Variants in CSGALNACT2 observed in about 807,000 individuals in gnomAD.
CSGALNACT2 encodes the protein chondroitin sulfate N-acetylgalactosaminyltransferase 2.
CSGALNACT2 carries 35 observed loss-of-function variants against 55.3 expected under a neutral mutation model. The observed-to-expected ratio is 0.63, with a 90% CI of 0.48 to 0.84. The LOEUF is 0.84. Ranked by LOEUF, CSGALNACT2 falls within the 40% of genes least tolerant of loss-of-function variation. The pLI is 0.00. For missense variants in CSGALNACT2, 544 were observed against 657.5 expected, an observed-to-expected ratio of 0.83 and a Z score of 1.89; for synonymous variants, 196 against 224.9, an observed-to-expected ratio of 0.87 and a Z score of 1.15.
intron 2 of CSGALNACT2, among the ~76,000 whole-genome samples, chr10:43,158,177 C>T (rs191108237): frequency 9.2e-6 from 1 of 109,040 alleles, no homozygotes; most frequent in East Asian, 2.1e-4. Context: ...TGTATACACA[C>T]ATATATATAT....
intron 3 of CSGALNACT2, among the ~76,000 whole-genome samples, chr10:43,159,847 G>A (rs1250461586): frequency 1.3e-5 from 2 of 152,114 alleles, no homozygotes; most frequent in South Asian, 2.1e-4. Context: ...TAGATACTTT[G>A]ATATACTGGT....
Position 43,183,623 on chromosome 10 carries a change from C to A in CSGALNACT2, c.*81C>A. The A allele has an allele frequency of 2.7e-6, 3 of 1,110,962 alleles. No homozygotes were observed. The highest frequency in any genetic ancestry group is 4.8e-5 in the East Asian group (2 of 41,566). 68.8% of individuals were successfully genotyped at this position (1,110,962 alleles called of 1,614,324 possible). On this transcript the variant is annotated 3_prime_UTR_variant, in exon 8 of 8. Transcript: ENST00000374466. Reference sequence around the variant, plus strand: ...TTACTTCTACTTCCAGATGCAGTGCCTCTTTTGGAGAAGACATGTTTATTT... The same window carrying A: ...TTACTTCTACTTCCAGATGCAGTGCATCTTTTGGAGAAGACATGTTTATTT...
At chr10:43,182,607 G>T (rs188625265) in intron 7 of CSGALNACT2, among the ~76,000 whole-genome samples, 3 of 151,876 alleles carry the variant, frequency 2.0e-5, no homozygotes, top group South Asian at 2.1e-4. Context: ...GTGGCTGGTC[G>T]CAGTGGCTAA....
chr10:43,144,969 A>G (rs1171724449), intron 1 of CSGALNACT2, among the ~76,000 whole-genome samples: 1 of 152,170 alleles, frequency 6.6e-6, no homozygotes, highest in African/African-American at 2.4e-5. Context: ...ATGGTGAAGC[A>G]TGTGTCAGAG....
chr10:43,153,347 A>T lies in CSGALNACT2; in HGVS notation c.-253-1550A>T, dbSNP rs61843250. 7.3e-5 allele frequency among the ~76,000 whole-genome samples: 11 copies of T among 150,912 alleles called. No homozygotes were observed. In the East Asian group the frequency reaches 1.8e-3, roughly 24 times the overall value. On this transcript the variant is annotated intron_variant, in intron 1 of 7. Coordinates refer to ENST00000374466, the MANE Select transcript of CSGALNACT2 (RefSeq NM_018590.5). The stretch of plus-strand genomic sequence containing the variant: ...AAGACTCTGTCTCAAAAAAAAAAGG[A>T]CTCCCTTGTAGTGAGTTAAATTTTT...
At chr10:43,175,246 C>T (rs556446590) in intron 6 of CSGALNACT2, among the ~76,000 whole-genome samples, 45 of 152,348 alleles carry the variant, frequency 3.0e-4, no homozygotes, top group African/African-American at 1.1e-3. Flanking sequence ...CAACTACGTT[C>T]CACTAAAATT....
intron 1 of CSGALNACT2, among the ~76,000 whole-genome samples, chr10:43,140,733 G>A (rs9804209): frequency 0.17 from 26,360 of 152,258 alleles, 2,523 homozygotes; most frequent in Admixed American, 0.25. Context: ...TTATTGTCAT[G>A]CTACACAAGC....
intron 1 of CSGALNACT2, among the ~76,000 whole-genome samples, chr10:43,153,855 C>G (rs1360514312): frequency 6.6e-6 from 1 of 152,138 alleles, no homozygotes; most frequent in South Asian, 2.1e-4. Context: ...GAATTTTTTT[C>G]TCTGCTGATA....
chr10:43,176,236 A>G (rs993104240), intron 7 of CSGALNACT2, among the ~76,000 whole-genome samples: 4 of 152,228 alleles, frequency 2.6e-5, no homozygotes, highest in African/African-American at 7.2e-5. Context: ...AAAATAAAGT[A>G]TAATATTTAC....
intron 5 of CSGALNACT2, among the ~76,000 whole-genome samples, chr10:43,165,590 G>C (rs1839247788): frequency 6.6e-6 from 1 of 152,190 alleles, no homozygotes; most frequent in South Asian, 2.1e-4. Context: ...CTTGAGTGCA[G>C]GAGTTCAAGA....
At chr10:43,169,086 G>T (rs1839330654) in intron 6 of CSGALNACT2, among the ~76,000 whole-genome samples, 1 of 152,208 alleles carries the variant, frequency 6.6e-6, no homozygotes, top group African/African-American at 2.4e-5. Flanking sequence ...CTAAGGCAGT[G>T]CATGTGGTCC....
chr10:43,150,317 C>G (rs1409938789), intron 1 of CSGALNACT2, among the ~76,000 whole-genome samples: 6 of 152,038 alleles, frequency 3.9e-5, no homozygotes, highest in Non-Finnish European at 7.4e-5. Context: ...TCTTAGTTAC[C>G]AATGTCGTTA....
In CSGALNACT2 at chr10:43,183,342, C is replaced by A; in HGVS notation, c.1429C>A (p.Pro477Thr). ...LHGDLIVIRT[P>T]VPGLFHLWHE... The stretch of plus-strand genomic sequence containing the variant: ...TGGTGACCTCATTGTGATTCGGACT[C>A]CGGTTCCTGGTCTTTTCCACCTCTG... The change falls in exon 8 of 8, where the codon CCG becomes ACG. Residue 477 changes from proline to threonine, a missense_variant. Pro to Thr is a conservative substitution (Grantham distance 38). Transcript: ENST00000374466. 1.2e-6 allele frequency: 2 copies of A among 1,614,056 alleles called. No individual in the cohort carries two copies. The highest frequency in any genetic ancestry group is 1.7e-6 in the Non-Finnish European group (2 of 1,179,976).
At chr10:43,169,074 G>GTGCATGCC (rs1839330411) in intron 6 of CSGALNACT2, among the ~76,000 whole-genome samples, 1 of 152,322 alleles carries the variant, frequency 6.6e-6, no homozygotes, top group East Asian at 1.9e-4. Flanking sequence ...TTGACCCTCA[G>GTGCATGCC]TCTAAGGCAG....
rs1308001301 is a variant in CSGALNACT2 at position 43,155,481 on chromosome 10, G to A, written c.332G>A (p.Ser111Asn). 3.7e-6 allele frequency: 6 copies of A among 1,614,086 alleles called. No individual in the cohort carries two copies. The highest frequency in any genetic ancestry group is 5.1e-6 in the Non-Finnish European group (6 of 1,180,042). Residue 111 changes from serine (S) to asparagine (N), a missense_variant, in exon 2 of 8, where the codon AGC (serine) becomes AAC (asparagine). Around this residue, in one of 2 missense-constraint regions of CSGALNACT2, gnomAD observed 374 missense variants for 401.3 expected, o/e 0.93. Transcript: ENST00000374466. ...NVGANGIGYQ[S>N]NKEQAPSDLL... ...GGGGCTAATGGCATAGGCTATCAGA[G>A]CAACAAAGAGCAAGCACCTAGTGAT... is the stretch of plus-strand genomic sequence containing the variant.
chr10:43,150,784 T>G (rs1225004958), intron 1 of CSGALNACT2, among the ~76,000 whole-genome samples: 2 of 152,210 alleles, frequency 1.3e-5, no homozygotes, highest in African/African-American at 4.8e-5. Context: ...CCTTATTTGT[T>G]TAAGTATTTC....
intron 4 of CSGALNACT2, 108 bp from the exon 5 acceptor site, chr10:43,163,758 A>G: frequency 7.2e-7 from 1 of 1,396,584 alleles, no homozygotes; most frequent in East Asian, 2.7e-5. Context: ...TAGAACCAAT[A>G]TAATCAAATA....
At chr10:43,173,073 G>A (rs1839413658) in intron 6 of CSGALNACT2, among the ~76,000 whole-genome samples, 2 of 152,214 alleles carry the variant, frequency 1.3e-5, no homozygotes, top group Admixed American at 6.5e-5. Context: ...GAGGGAGAAT[G>A]GATTGTGTGT....
chr10:43,180,209 C>T (rs918312611), intron 7 of CSGALNACT2, among the ~76,000 whole-genome samples: 2 of 152,166 alleles, frequency 1.3e-5, no homozygotes, highest in Non-Finnish European at 2.9e-5. Flanking sequence ...GCTTCTGTTC[C>T]CTTGTTTCCT....
Sources: allele counts gnomAD v4.1 joint callset (sites outside exome capture counted in the v4.1 genomes callset), GRCh38; gene constraint gnomAD v4.1.1; regional missense constraint gnomAD v4.1.1; transcripts MANE v1.5; gene names NCBI Gene and HGNC (gene_info 2026-07-23, HGNC 2026-07-21).